Variants in NDUFA9 observed in about 807,000 individuals in gnomAD.
NDUFA9 encodes NADH dehydrogenase [ubiquinone] 1 alpha subcomplex subunit 9, mitochondrial.
Under a neutral mutation model 45.9 loss-of-function variants are expected in NDUFA9, and 23 were observed. The observed-to-expected ratio is 0.50, with a 90% CI of 0.36 to 0.71. NDUFA9 has a LOEUF of 0.71. Ranked by LOEUF, NDUFA9 falls within the 30% of genes least tolerant of loss-of-function variation. NDUFA9 has a pLI of 0.00. For missense variants in NDUFA9, 466 were observed against 488.2 expected, an observed-to-expected ratio of 0.95 and a Z score of 0.43; for synonymous variants, 176 against 170.5, an observed-to-expected ratio of 1.03 and a Z score of -0.25.
intron 6 of NDUFA9, among the ~76,000 whole-genome samples, chr12:4,662,859 T>A (rs568677225): frequency 3.9e-5 from 6 of 152,252 alleles, no homozygotes; most frequent in Non-Finnish European, 7.4e-5. Context: ...AACTTGGGAG[T>A]CAGAGACTTG....
In NDUFA9 at chr12:4,688,852, GGCCATAA is replaced by G. The variant is rs1167969788; in HGVS notation, c.*1749_*1755del. ...TGTTATTTTGGATGACACCCCTCCT[GGCCATAA>G]GCCAGCCATTAGGCACAGAGATGGG... On this transcript the variant is annotated 3_prime_UTR_variant, in exon 11 of 11. Transcript: ENST00000266544. 7 of 152,172 alleles carry G rather than the reference GGCCATAA, an allele frequency of 4.6e-5. No homozygotes were observed. Among genetic ancestry groups the G allele is most frequent in the African/African-American group, 1.7e-4 (7 of 41,434 alleles). 9.4% of individuals were successfully genotyped at this position (152,172 alleles called of 1,614,324 possible). A position where few individuals can be genotyped will look rare whatever the true frequency, so the allele number is the denominator to read the frequency against.
intron 2 of NDUFA9, 57 bp downstream of exon 2, chr12:4,654,519 T>C: frequency 6.5e-7 from 1 of 1,549,512 alleles, no homozygotes; most frequent in Non-Finnish European, 8.9e-7. Context: ...GATTGCCTGA[T>C]GAGAAGCATG....
intron 4 of NDUFA9, 69 bp downstream of exon 4, chr12:4,657,908 A>G (rs1386899423): frequency 2.5e-6 from 3 of 1,192,080 alleles, no homozygotes; most frequent in East Asian, 4.7e-5. Context: ...TTCGCTGGGC[A>G]CCTTTTATGT....
At chr12:4,649,201 C>T (rs753202803) in intron 1 of NDUFA9, 26 bp downstream of exon 1, 43 of 1,594,340 alleles carry the variant, frequency 2.7e-5, no homozygotes, top group Non-Finnish European at 3.6e-5. Context: ...AACGGCGGCC[C>T]CTGGTCGGGA....
chr12:4,681,413 A>G (rs1311051443), intron 8 of NDUFA9, among the ~76,000 whole-genome samples: 1 of 151,664 alleles, frequency 6.6e-6, no homozygotes, highest in Non-Finnish European at 1.5e-5. Flanking sequence ...AAGAAAAGAT[A>G]GATGTATAAA....
chr12:4,670,143 G>A (rs1945877511), intron 8 of NDUFA9, among the ~76,000 whole-genome samples: 1 of 152,124 alleles, frequency 6.6e-6, no homozygotes, highest in African/African-American at 2.4e-5. Context: ...CACTTTTAGG[G>A]AGTAAGTATG....
rs565541731 is a variant in NDUFA9, at chr12:4,678,440, A to G, written c.801-3765A>G. 8.5e-5 allele frequency among the ~76,000 whole-genome samples: 13 copies of G among 152,288 alleles called. No individual in the cohort carries two copies. The South Asian group carries it at 2.7e-3, about 32-fold the overall frequency. ...AAGCCTATTTCATAAAATAAAAAATAAATGGATACATTAGACTTCACCAAA... is the reference window on the plus strand; with the variant it reads ...AAGCCTATTTCATAAAATAAAAAATGAATGGATACATTAGACTTCACCAAA... On this transcript the variant is annotated intron_variant, in intron 8 of 10. Transcript: ENST00000266544.
At chr12:4,654,117 C>T (rs991832246) in intron 1 of NDUFA9, among the ~76,000 whole-genome samples, 175 bp from the exon 2 acceptor site, 2 of 152,062 alleles carry the variant, frequency 1.3e-5, no homozygotes, top group African/African-American at 4.8e-5. Flanking sequence ...TTCCTCATGT[C>T]CTCTGGATTC....
At position 4,690,131 on chromosome 12, in the gene NDUFA9, C is replaced by G. The variant is rs535938600; in HGVS notation, c.*3023C>G. On this transcript the variant is annotated 3_prime_UTR_variant, in exon 11 of 11. Coordinates refer to ENST00000266544, the MANE Select transcript of NDUFA9 (RefSeq NM_005002.5). ...TGAGTCTCCATTTATAGGGGCTGTC[C>G]CCATAGAGACTTCAAGCCACACCTT... 3 of 152,318 alleles carry G rather than the reference C, an allele frequency of 2.0e-5. No individual in the cohort carries two copies. In the East Asian group the frequency reaches 5.8e-4, roughly 29 times the overall value. 9.4% of individuals were successfully genotyped at this position (152,318 alleles called of 1,614,324 possible). A position where few individuals can be genotyped will look rare whatever the true frequency, so the allele number is the denominator to read the frequency against.
chr12:4,671,308 C>T (rs10774256), intron 8 of NDUFA9, among the ~76,000 whole-genome samples: 75,910 of 151,780 alleles, frequency 0.5, 19,115 homozygotes, highest in Non-Finnish European at 0.54. Context: ...AGCAAAATCA[C>T]GATGTATAAG....
intron 5 of NDUFA9, among the ~76,000 whole-genome samples, chr12:4,661,506 G>A (rs1945822865): frequency 1.3e-5 from 2 of 152,022 alleles, no homozygotes; most frequent in African/African-American, 2.4e-5. Flanking sequence ...GACAGTGGGA[G>A]TGCATGGCCC....
chr12:4,664,905 C>T (rs1195493744), intron 6 of NDUFA9, among the ~76,000 whole-genome samples: 3 of 152,160 alleles, frequency 2.0e-5, no homozygotes, highest in Non-Finnish European at 4.4e-5. Flanking sequence ...GTTACCCTTT[C>T]TTTCTTACGT....
intron 1 of NDUFA9, among the ~76,000 whole-genome samples, chr12:4,652,107 C>T (rs1183851841): frequency 6.6e-6 from 1 of 152,194 alleles, no homozygotes; most frequent in African/African-American, 2.4e-5. Flanking sequence ...CATTTTCCCA[C>T]CATAAACTCT....
chr12:4,669,688 C>G, intron 7 of NDUFA9, 53 bp from the exon 8 acceptor site: 6 of 1,151,464 alleles, frequency 5.2e-6, no homozygotes, highest in Non-Finnish European at 7.8e-6. Context: ...CTCCATCTCC[C>G]ATTCTGTCTC....
intron 8 of NDUFA9, among the ~76,000 whole-genome samples, chr12:4,672,379 A>G (rs536706551): frequency 6.6e-6 from 1 of 152,278 alleles, no homozygotes; most frequent in South Asian, 2.1e-4. Context: ...CGCCAGTGAG[A>G]CAGAACCTTT....
rs1946014769 is a variant in NDUFA9 at position 4,690,773 on chromosome 12, A to C, written c.*3665A>C. The C allele has an allele frequency of 6.6e-6, 1 of 152,206 alleles. No individual in the cohort carries two copies. The allele number at this position is 152,206 out of a possible 1,614,324, so 9.4% of individuals were successfully genotyped here. On this transcript the variant is annotated 3_prime_UTR_variant, in exon 11 of 11. Transcript: ENST00000266544. ...TGGAAGCATATATGGGAATATATGC[A>C]AAGATCTCTGAGAAGATAAAGAAAG... is the stretch of plus-strand genomic sequence containing the variant.
chr12:4,654,968 A>G (rs982750309), intron 3 of NDUFA9, 46 bp downstream of exon 3: 11 of 1,512,002 alleles, frequency 7.3e-6, no homozygotes, highest in African/African-American at 1.4e-5. Context: ...ATAAATTACT[A>G]AGGTCATTTT....
intron 6 of NDUFA9, among the ~76,000 whole-genome samples, chr12:4,667,833 A>T (rs113715286): frequency 7.3e-5 from 4 of 55,094 alleles, no homozygotes; most frequent in Non-Finnish European, 1.2e-4. Flanking sequence ...TAAATGGTTT[A>T]AAAAAAAAAG....
chr12:4,684,044 T>C (rs1164437452), intron 9 of NDUFA9, among the ~76,000 whole-genome samples: 2 of 152,168 alleles, frequency 1.3e-5, no homozygotes, highest in African/African-American at 4.8e-5. Flanking sequence ...AGAGTTGGCT[T>C]ATGTATGCCC....
Sources: gnomAD v4.1 joint callset for allele counts (sites outside exome capture counted in the v4.1 genomes callset) on GRCh38, gnomAD v4.1.1 for gene constraint, MANE v1.5 for transcripts, NCBI Gene and HGNC (gene_info 2026-07-23, HGNC 2026-07-21) for gene names.